THADA: variants seen among roughly 807,000 people sequenced by gnomAD.
THADA encodes the protein THADA armadillo repeat containing.
In THADA, 213 loss-of-function variants were observed where a neutral mutation model predicts 219.8. The observed-to-expected ratio is 0.97, with a 90% CI of 0.87 to 1.09. The LOEUF is 1.09. Ranked by LOEUF, THADA falls within the 50% of genes least tolerant of loss-of-function variation. The pLI, the probability that THADA is intolerant of heterozygous loss-of-function variation, is 0.00. For missense variants in THADA, 2,956 were observed against 2,311.3 expected (o/e 1.28, Z -5.72); for synonymous variants, 1,018 against 828.9 (o/e 1.23, Z -3.92).
chr2:43,328,589 T>C (rs1337328833), intron 30 of THADA, among the ~76,000 whole-genome samples: 1 of 152,208 alleles, frequency 6.6e-6, no homozygotes, highest in Non-Finnish European at 1.5e-5. Context: ...CGTGAGCTGT[T>C]AGTCTGTCCA....
intron 27 of THADA, 55 bp downstream of exon 27, chr2:43,430,158 A>G: frequency 1.2e-6 from 1 of 840,596 alleles, no homozygotes; most frequent in Non-Finnish European, 1.8e-6. Flanking sequence ...AATCTCAATT[A>G]CTAAGGTAAT....
intron 23 of THADA, among the ~76,000 whole-genome samples, chr2:43,506,700 T>C (rs534478771): frequency 2.0e-5 from 3 of 152,288 alleles, no homozygotes; most frequent in African/African-American, 7.2e-5. Context: ...TTGTACACTT[T>C]AAAAGGGTGA....
intron 36 of THADA, among the ~76,000 whole-genome samples, chr2:43,254,548 G>A (rs1453705200): frequency 6.6e-6 from 1 of 151,978 alleles, no homozygotes; most frequent in African/African-American, 2.4e-5. Flanking sequence ...TCACGCACTC[G>A]ATGCTTGTAC....
intron 25 of THADA, among the ~76,000 whole-genome samples, chr2:43,498,082 A>G (rs7563949): frequency 0.37 from 56,067 of 151,990 alleles, 10,837 homozygotes; most frequent in African/African-American, 0.43. Context: ...CCCCCACCCC[A>G]CACAGTATGG....
chr2:43,331,433 T>A (rs17030700), intron 30 of THADA, among the ~76,000 whole-genome samples: 2 of 152,218 alleles, frequency 1.3e-5, no homozygotes, highest in African/African-American at 4.8e-5. Context: ...AAGCATTTAG[T>A]GCATTTCATG....
At chr2:43,311,918 G>A (rs1573018407) in intron 31 of THADA, among the ~76,000 whole-genome samples, 2 of 152,360 alleles carry the variant, frequency 1.3e-5, no homozygotes, top group Admixed American at 6.5e-5. Context: ...CACAGATGTG[G>A]CCGGTCATGG....
chr2:43,421,343 G>A (rs1215894142), intron 28 of THADA, among the ~76,000 whole-genome samples: 2 of 152,132 alleles, frequency 1.3e-5, no homozygotes, highest in East Asian at 3.8e-4. Flanking sequence ...GGAAGGGTGG[G>A]GGCATACTCC....
At chr2:43,425,453 T>TGA (rs1399482837) in intron 28 of THADA, among the ~76,000 whole-genome samples, 8 of 140,894 alleles carry the variant, frequency 5.7e-5, no homozygotes, top group African/African-American at 2.2e-4. Context: ...TGTATGTGTG[T>TGA]GTGTGTGTGT....
At chr2:43,250,449 G>A (rs554184785) in intron 36 of THADA, among the ~76,000 whole-genome samples, 89 of 152,058 alleles carry the variant, frequency 5.9e-4, no homozygotes, top group Non-Finnish European at 1.1e-3. Flanking sequence ...TGATGAAACC[G>A]TTCTGGAACT....
chr2:43,237,909 G>A (rs1220399236), intron 36 of THADA, among the ~76,000 whole-genome samples: 3 of 150,678 alleles, frequency 2.0e-5, no homozygotes. Flanking sequence ...CCTGAGGTCA[G>A]GAGTTCGAGA....
At chr2:43,388,194 G>A (rs1672924212) in intron 29 of THADA, among the ~76,000 whole-genome samples, 1 of 152,070 alleles carries the variant, frequency 6.6e-6, no homozygotes, top group Non-Finnish European at 1.5e-5. Flanking sequence ...ATTTTTATTG[G>A]TTGGGAACCA....
intron 16 of THADA, among the ~76,000 whole-genome samples, chr2:43,558,701 G>T (rs912395469): frequency 5.9e-5 from 9 of 151,996 alleles, no homozygotes; most frequent in Admixed American, 2.0e-4. Flanking sequence ...GCTATTGTGG[G>T]GCCTCAGCTT....
rs112722481 is a variant in THADA, at chr2:43,488,436, G to A, written c.3745-3111C>T. On this transcript the variant is annotated intron_variant, in intron 25 of 37. Coordinates refer to ENST00000405975, the MANE Select transcript of THADA (RefSeq NM_022065.5). ...ATATACATGGGATCATGTAGTATGCGGCCTTTAATGTTTGGCTTCTTTCAC... is the reference window on the plus strand; with the variant it reads ...ATATACATGGGATCATGTAGTATGCAGCCTTTAATGTTTGGCTTCTTTCAC... Among the ~76,000 whole-genome samples, 1,494 of 152,166 alleles carry A rather than the reference G, an allele frequency of 9.8e-3. 27 individuals are homozygous for A. The highest frequency in any genetic ancestry group is 0.034 in the African/African-American group (1,422 of 41,512).
intron 1 of THADA, among the ~76,000 whole-genome samples, chr2:43,595,242 G>C (rs1702015623): frequency 6.6e-6 from 1 of 152,194 alleles, no homozygotes; most frequent in Non-Finnish European, 1.5e-5. Context: ...CCTATGGTCT[G>C]TTTGGGAAGT....
rs539887095 is a variant in THADA at position 43,379,770 on chromosome 2, C to T, written c.4227+18201G>A. Among the ~76,000 whole-genome samples the T allele has an allele frequency of 3.3e-4, 50 of 152,260 alleles. No individual in the cohort carries two copies. The Middle Eastern group carries it at 0.01, about 31-fold the overall frequency. On this transcript the variant is annotated intron_variant, in intron 29 of 37. Transcript: ENST00000405975. ...TGTATAGTACCTTTGTTCATAACTGCCCCAAAGTGGAAACAATCAAGATGT... is the reference window on the plus strand; with the variant it reads ...TGTATAGTACCTTTGTTCATAACTGTCCCAAAGTGGAAACAATCAAGATGT...
At chr2:43,232,580 GT>G in intron 37 of THADA, 132 bp downstream of exon 37, 2 of 972,898 alleles carry the variant, frequency 2.1e-6, no homozygotes, top group Non-Finnish European at 3.1e-6. Flanking sequence ...GCAGCACCCA[GT>G]GGGTGACTTT....
At chr2:43,401,826 C>G (rs1029742214) in intron 28 of THADA, among the ~76,000 whole-genome samples, 4 of 152,134 alleles carry the variant, frequency 2.6e-5, no homozygotes, top group Admixed American at 2.0e-4. Context: ...GGCTACCCAA[C>G]CTGTAGCTCA....
chr2:43,452,220 T>C (rs1682435484), intron 26 of THADA, among the ~76,000 whole-genome samples: 1 of 152,210 alleles, frequency 6.6e-6, no homozygotes, highest in Non-Finnish European at 1.5e-5. Context: ...TTTTTGTTTC[T>C]ATCATTTTGT....
chr2:43,312,984 GGT>G (rs1677683595), intron 31 of THADA, among the ~76,000 whole-genome samples: 1 of 152,108 alleles, frequency 6.6e-6, no homozygotes, highest in Non-Finnish European at 1.5e-5. Flanking sequence ...AATCAAAGCA[GGT>G]GTTTGTAAGA....
Sources: gnomAD v4.1 joint callset for allele counts (sites outside exome capture counted in the v4.1 genomes callset) on GRCh38, gnomAD v4.1.1 for gene constraint, MANE v1.5 for transcripts, NCBI Gene and HGNC (gene_info 2026-07-23, HGNC 2026-07-21) for gene names.